The following CDON variants were observed in gnomAD, a reference collection of about 807,000 sequenced individuals.
CDON encodes cell adhesion associated, oncogene regulated, also known as cell adhesion molecule-related/down-regulated by oncogenes.
A neutral mutation model predicts 120.9 loss-of-function variants in CDON; 73 were observed. That is an observed-to-expected ratio of 0.60 (90% confidence interval 0.50 to 0.73). The LOEUF (loss-of-function observed/expected upper bound fraction) is 0.73, where lower values mean the gene tolerates loss of function less well. Among genes scored for constraint, CDON ranks in the 30% least tolerant of loss-of-function variants. The pLI is 0.00. For missense variants in CDON, 1,470 were observed against 1,587.3 expected (o/e 0.93, Z 1.26); for synonymous variants, 566 against 573.5 (o/e 0.99, Z 0.19).
At chr11:126,025,531 G>GTGTGT (rs1555131657) in intron 1 of CDON, among the ~76,000 whole-genome samples, 4 of 150,640 alleles carry the variant, frequency 2.7e-5, no homozygotes, top group East Asian at 1.9e-4. Flanking sequence ...GTTTGTGGGG[G>GTGTGT]GTGTGTGTGT....
Position 125,985,799 on chromosome 11 carries a change from T to TA in CDON, c.2774-1707dup, listed in dbSNP as rs1226336150. On this transcript the variant is annotated intron_variant, in intron 15 of 19. Coordinates refer to ENST00000531738, the MANE Select transcript of CDON (RefSeq NM_001378964.1). The stretch of plus-strand genomic sequence containing the variant: ...TCACACCAGTTAGAATGGCGATCAT[T>TA]AAAAAGTCAGCAAACAACAGGTGCT... Among the ~76,000 whole-genome samples, 8 of 151,882 alleles carry TA rather than the reference T, an allele frequency of 5.3e-5. No homozygotes were observed. The South Asian group carries it at 1.0e-3, about 20-fold the overall frequency.
At chr11:126,003,074 A>G (rs923041334) in intron 10 of CDON, among the ~76,000 whole-genome samples, 1 of 151,568 alleles carries the variant, frequency 6.6e-6, no homozygotes, top group African/African-American at 2.4e-5. Flanking sequence ...ACTGTTAACA[A>G]CTCCTACCCC....
chr11:126,030,223 C>T (rs1354292142), intron 1 of CDON, among the ~76,000 whole-genome samples: 1 of 152,206 alleles, frequency 6.6e-6, no homozygotes, highest in East Asian at 1.9e-4. Flanking sequence ...ACTTTCCTAA[C>T]GTTTACTTAA....
intron 14 of CDON, among the ~76,000 whole-genome samples, chr11:125,991,776 A>C (rs2134504535): frequency 6.6e-6 from 1 of 152,326 alleles, no homozygotes; most frequent in Non-Finnish European, 1.5e-5. Flanking sequence ...GAAAATATAG[A>C]ATAAGCAAAT....
At position 125,971,382 on chromosome 11, in the gene CDON, C is replaced by CTAAATAAATAAATAAATAAA. The variant is rs374833815; in HGVS notation, c.3356+6902_3356+6921dup. Among the ~76,000 whole-genome samples, 140 of 103,214 alleles carry CTAAATAAATAAATAAATAAA rather than the reference C, an allele frequency of 1.4e-3. 1 individual carries two copies. Among genetic ancestry groups the CTAAATAAATAAATAAATAAA allele is most frequent in the South Asian group, 5.7e-3 (17 of 2,992 alleles). The allele number at this position is 103,214 out of a possible 152,430, so 67.7% of individuals were successfully genotyped here. A position where few individuals can be genotyped will look rare whatever the true frequency, so the allele number is the denominator to read the frequency against. ...TGGGCGACACAGCGAGACTCTGTCT[C>CTAAATAAATAAATAAATAAA]TAAATAAATAAATAAATAAATAAAT... On this transcript the variant is annotated intron_variant, in intron 18 of 19. Transcript: ENST00000531738.
intron 2 of CDON, 50 bp from the exon 3 acceptor site, chr11:126,021,570 A>T (rs758538003): frequency 8.5e-6 from 13 of 1,531,470 alleles, no homozygotes; most frequent in Admixed American, 6.8e-5. Flanking sequence ...AGAAAAGAGG[A>T]GAGAGAAAGA....
chr11:126,045,953 A>G (rs1229025099), intron 1 of CDON, among the ~76,000 whole-genome samples: 1 of 152,076 alleles, frequency 6.6e-6, no homozygotes, highest in Non-Finnish European at 1.5e-5. Flanking sequence ...CTGGGCAACA[A>G]GAGCGAAACT....
At chr11:125,968,470 A>G (rs891615050) in intron 18 of CDON, among the ~76,000 whole-genome samples, 3 of 152,216 alleles carry the variant, frequency 2.0e-5, no homozygotes, top group Non-Finnish European at 2.9e-5. Flanking sequence ...GCCAACCACA[A>G]GTGTGGTTAT....
chr11:126,036,967 C>T (rs1948115866), intron 1 of CDON, among the ~76,000 whole-genome samples: 1 of 152,192 alleles, frequency 6.6e-6, no homozygotes, highest in Non-Finnish European at 1.5e-5. Context: ...GGATTACAGG[C>T]ATGTGAGCCA....
intron 1 of CDON, among the ~76,000 whole-genome samples, chr11:126,048,453 G>T (rs1015701493): frequency 3.3e-5 from 5 of 152,124 alleles, no homozygotes; most frequent in Non-Finnish European, 7.3e-5. Flanking sequence ...CAGCAGCAAC[G>T]TTCAACACCC....
intron 1 of CDON, among the ~76,000 whole-genome samples, chr11:126,057,041 G>A (rs1189680031): frequency 6.6e-6 from 1 of 152,100 alleles, no homozygotes; most frequent in Non-Finnish European, 1.5e-5. Context: ...CTATTTTGAG[G>A]CTCCCTCCTA....
At chr11:126,014,984 T>G in intron 7 of CDON, 1 of 491,798 alleles carries the variant, frequency 2.0e-6, no homozygotes, top group Non-Finnish European at 3.7e-6. Flanking sequence ...AAGAGAGAGA[T>G]TGTACCATAT....
chr11:125,995,265 C>T (rs772359879), intron 12 of CDON, among the ~76,000 whole-genome samples: 3 of 152,124 alleles, frequency 2.0e-5, no homozygotes, highest in Non-Finnish European at 4.4e-5. Flanking sequence ...GCATGGTGTT[C>T]AAGATCCCAA....
At chr11:125,999,202 A>G (rs980786975) in intron 11 of CDON, among the ~76,000 whole-genome samples, 10 of 152,212 alleles carry the variant, frequency 6.6e-5, no homozygotes, top group African/African-American at 2.4e-4. Flanking sequence ...TACTAGAAAA[A>G]CCAAACAACT....
chr11:126,049,376 T>C (rs1948498512), intron 1 of CDON, among the ~76,000 whole-genome samples: 1 of 152,104 alleles, frequency 6.6e-6, no homozygotes, highest in South Asian at 2.1e-4. Context: ...AGGCCAGAGT[T>C]TTCCTTCTGT....
chr11:126,011,205 C>T (rs113324082), intron 7 of CDON, among the ~76,000 whole-genome samples: 5 of 152,258 alleles, frequency 3.3e-5, no homozygotes, highest in African/African-American at 9.6e-5. Flanking sequence ...TGTTTTTTCC[C>T]ATAGGCATGA....
intron 18 of CDON, among the ~76,000 whole-genome samples, chr11:125,973,583 T>C (rs1334130292): frequency 1.3e-5 from 2 of 152,188 alleles, no homozygotes; most frequent in African/African-American, 2.4e-5. Flanking sequence ...CATCCACAGA[T>C]GTGCCATGGC....
intron 11 of CDON, 100 bp from the exon 12 acceptor site, chr11:125,997,510 G>T: frequency 2.1e-6 from 2 of 942,288 alleles, no homozygotes; most frequent in Non-Finnish European, 1.7e-6. Context: ...GTTATTAAAG[G>T]TTCTTCACCA....
chr11:125,973,691 C>A (rs1210604248), intron 18 of CDON, among the ~76,000 whole-genome samples: 1 of 152,162 alleles, frequency 6.6e-6, no homozygotes, highest in Non-Finnish European at 1.5e-5. Flanking sequence ...AGGATTCAGG[C>A]ATTCTGTTTT....
Sources: gnomAD v4.1 joint callset for allele counts (sites outside exome capture counted in the v4.1 genomes callset) on GRCh38, gnomAD v4.1.1 for gene constraint, MANE v1.5 for transcripts, NCBI Gene and HGNC (gene_info 2026-07-23, HGNC 2026-07-21) for gene names.